The following TNK2 variants were observed in gnomAD, a reference collection of about 807,000 sequenced individuals.
The protein encoded by TNK2 is activated CDC42 kinase 1.
In TNK2, 83 loss-of-function variants were observed where a neutral mutation model predicts 101.8. The ratio of observed to expected loss-of-function variants is 0.82; its 90% CI spans 0.68 to 0.98. The LOEUF is 0.98. Among genes scored for constraint, TNK2 ranks in the 50% least tolerant of loss-of-function variants. TNK2 has a pLI of 0.00. For synonymous variants in TNK2, 804 were observed against 633.0 expected (o/e 1.27, Z -4.06); for missense variants, 1,665 against 1,483.2 (o/e 1.12, Z -2.01).
chr3:195,870,154 C>G lies in TNK2; in HGVS notation c.1503G>C (p.Leu501=). Residue 501 remains leucine (L), a synonymous_variant, in exon 11 of 16, where the codon CTG becomes CTC. Coordinates refer to ENST00000672887, the MANE Select transcript of TNK2 (RefSeq NM_001382273.1). ...GATGCTGGGGGGGCCGGGAGGTGCT[C>G]AGTTCCACGCTCAGGAGGTCGGGGG... ...MDPPDLLSVE[L]STSRPPQHLG... is the part of the protein sequence containing the mutation. 1 of 1,495,864 alleles carries G rather than the reference C, an allele frequency of 6.7e-7. No homozygotes were observed. The allele number at this position is 1,495,864 out of a possible 1,614,324, so 92.7% of individuals were successfully genotyped here.
At chr3:195,895,444 G>A (rs756205024) in intron 1 of TNK2, 2 of 1,455,674 alleles carry the variant, frequency 1.4e-6, no homozygotes, top group African/African-American at 1.5e-5. Context: ...CCGCTACTGC[G>A]TCTCAGCCCC....
chr3:195,866,929 C>T lies in TNK2; in HGVS notation c.3121G>A (p.Gly1041Ser), dbSNP rs749888511. The T allele has an allele frequency of 2.1e-5, 34 of 1,612,288 alleles. No homozygotes were observed. The Admixed American group carries it at 2.7e-4, about 13-fold the overall frequency. ...EMFDWNLEQA[G>S]CHLLGSWGPA... is the part of the protein sequence containing the mutation. ...CCCCAGGAGCCCAGAAGGTGGCAGCCGGCCTGCTCCAGGTTCCAGTCGAAC... is the reference window on the plus strand; with the variant it reads ...CCCCAGGAGCCCAGAAGGTGGCAGCTGGCCTGCTCCAGGTTCCAGTCGAAC... Residue 1041 changes from glycine (G) to serine (S), a missense_variant, in exon 15 of 16, where the codon GGC (glycine) becomes AGC (serine). Coordinates refer to ENST00000672887, the MANE Select transcript of TNK2 (RefSeq NM_001382273.1).
intron 1 of TNK2, among the ~76,000 whole-genome samples, chr3:195,890,273 C>T (rs1188137364): frequency 9.2e-5 from 14 of 152,022 alleles, no homozygotes; most frequent in Non-Finnish European, 1.0e-4. Flanking sequence ...TTGGGGGGGC[C>T]TTAGTGACAT....
chr3:195,884,639 A>C, intron 4 of TNK2, 173 bp downstream of exon 4: 1 of 612,776 alleles, frequency 1.6e-6, no homozygotes, highest in Non-Finnish European at 2.8e-6. Context: ...GCGAGACTCC[A>C]TCTCAAAAAT....
rs144573163 is a variant in TNK2, at chr3:195,867,740, G to A, written c.2558C>T (p.Pro853Leu). 34 of 1,599,368 alleles carry A rather than the reference G, an allele frequency of 2.1e-5. No individual in the cohort carries two copies. In the East Asian group the frequency reaches 2.2e-4, roughly 11 times the overall value. ...ATPQVIQAPG[P>L]RAGPCILPIV... is the part of the protein sequence containing the mutation. ...GGGCAGGATGCAGGGACCAGCCCGC[G>A]GGCCAGGGGCCTGGATCACCTGGGG... The change falls in exon 13 of 16, where the codon CCG (proline) becomes CTG (leucine). Residue 853 changes from proline to leucine, a missense_variant. Pro to Leu is a moderately conservative substitution (Grantham distance 98). Coordinates refer to ENST00000672887, the MANE Select transcript of TNK2 (RefSeq NM_001382273.1).
At chr3:195,902,643 A>C (rs1325679899) in intron 1 of TNK2, among the ~76,000 whole-genome samples, 3 of 122,760 alleles carry the variant, frequency 2.4e-5, no homozygotes, top group Admixed American at 1.5e-4. Flanking sequence ...AAAAAAACAA[A>C]CATAAAAAAA....
rs1467436853 is a variant in TNK2 at position 195,884,948 on chromosome 3, C to T, written c.320G>A (p.Gly107Asp). ...CTGCAGGGGCCCCTCCCCTGCTGGG[C>T]CCCCAGGGGCGGGCGAGGTCTTCCG... ...TFRKTSPAPG[G>D]PAGEGPLQSL... Residue 107 changes from glycine (G) to aspartate (D), a missense_variant, in exon 4 of 16, where the codon GGC (glycine) becomes GAC (aspartate). This residue lies in a region of TNK2 where 490 missense variants were observed against 522.5 expected (regional missense o/e 0.94). Coordinates refer to ENST00000672887, the MANE Select transcript of TNK2 (RefSeq NM_001382273.1). The T allele has an allele frequency of 1.9e-6, 3 of 1,613,952 alleles. No homozygotes were observed. Among genetic ancestry groups the T allele is most frequent in the East Asian group, 2.2e-5 (1 of 44,868 alleles).
intron 1 of TNK2, among the ~76,000 whole-genome samples, chr3:195,897,945 C>T (rs1182760228): frequency 6.6e-6 from 1 of 151,604 alleles, no homozygotes; most frequent in Non-Finnish European, 1.5e-5. Flanking sequence ...CCAGGGACTC[C>T]TATTACCACC....
Position 195,888,609 on chromosome 3 carries a change from G to A in TNK2, c.-18-3C>T. ...TGCATTCTGCCGCCTCCCAGCCTCT[G>A]TGGGGGGAGGAGTGGCTCAGGGACA... On this transcript the variant is annotated splice_region_variant and splice_polypyrimidine_tract_variant and intron_variant, in intron 1 of 15. Transcript: ENST00000672887. The surrounding 1 kb of genome is among the most constrained non-coding windows in gnomAD (Gnocchi z 5.3). 1.2e-6 allele frequency: 2 copies of A among 1,605,720 alleles called. No homozygotes were observed. The highest frequency in any genetic ancestry group is 1.7e-6 in the Non-Finnish European group (2 of 1,176,438).
In TNK2 at chr3:195,867,768, T is replaced by G; in HGVS notation, c.2530A>C (p.Thr844Pro). The G allele has an allele frequency of 6.3e-7, 1 of 1,583,242 alleles. No individual in the cohort carries two copies. Among genetic ancestry groups the G allele is most frequent in the Non-Finnish European group, 8.6e-7 (1 of 1,166,768 alleles). ...CCAGGGGCCTGGATCACCTGGGGGG[T>G]GGCGTACTTGGGGTCTGAGGCAAAG... ...QSFASDPKYA[T>P]PQVIQAPGPR... The change falls in exon 13 of 16, where the codon ACC becomes CCC. Residue 844 changes from threonine to proline, a missense_variant. Thr to Pro is a conservative substitution (Grantham distance 38). This residue lies in a region of TNK2 where 1,136 missense variants were observed against 894.9 expected (regional missense o/e 1.27). Coordinates refer to ENST00000672887, the MANE Select transcript of TNK2 (RefSeq NM_001382273.1).
intron 1 of TNK2, among the ~76,000 whole-genome samples, chr3:195,889,055 T>C (rs1414737581): frequency 6.6e-6 from 1 of 152,046 alleles, no homozygotes; most frequent in Non-Finnish European, 1.5e-5. Flanking sequence ...ATGGGCTCCT[T>C]AGATGTGACG....
At chr3:195,887,967 TGTGTGTGTATGCCTGTGCGTGTGCATGC>T (rs1756821015) in intron 2 of TNK2, among the ~76,000 whole-genome samples, 1 of 147,334 alleles carries the variant, frequency 6.8e-6, no homozygotes, top group African/African-American at 2.5e-5. Context: ...TGTGTGTGTG[TGTGTGTGTATGCCTGTGCGTGTGCATGC>T]GTGTGTGCGT....
rs902483867 is a variant in TNK2 at position 195,885,428 on chromosome 3, C to T, written c.235-395G>A. On this transcript the variant is annotated intron_variant, in intron 3 of 15. Transcript: ENST00000672887. This position sits in a 1 kb window ranked among gnomAD's most constrained non-coding sequence, Gnocchi z 4.7. ...CAGCCCTAACCCGCATCGATGGAGC[C>T]GCAGGGGCCCTCCACAGACACCTCC... The T allele has an allele frequency of 5.3e-6, 7 of 1,323,476 alleles. No individual in the cohort carries two copies. The East Asian group carries it at 1.9e-4, about 37-fold the overall frequency. The allele number at this position is 1,323,476 out of a possible 1,614,324, so 82.0% of individuals were successfully genotyped here. A position where few individuals can be genotyped will look rare whatever the true frequency, so the allele number is the denominator to read the frequency against.
At chr3:195,870,454 T>C (rs1349653255) in intron 10 of TNK2, 2 of 1,310,788 alleles carry the variant, frequency 1.5e-6, no homozygotes, top group East Asian at 4.4e-5. Context: ...AACTACACCC[T>C]ACAAGGGCAG....
intron 1 of TNK2, among the ~76,000 whole-genome samples, chr3:195,907,741 G>A (rs1761887711): frequency 6.6e-6 from 1 of 152,224 alleles, no homozygotes; most frequent in African/African-American, 2.4e-5. Context: ...GACAGGTGCA[G>A]AGCCCATGAT....
chr3:195,873,928 T>A (rs926770428), intron 9 of TNK2, among the ~76,000 whole-genome samples: 1 of 152,004 alleles, frequency 6.6e-6, no homozygotes, highest in Non-Finnish European at 1.5e-5. Flanking sequence ...ACCCTGTGAT[T>A]CCCACCCTGC....
intron 1 of TNK2, among the ~76,000 whole-genome samples, chr3:195,904,869 G>C (rs991347037): frequency 1.3e-5 from 2 of 152,140 alleles, no homozygotes; most frequent in Non-Finnish European, 2.9e-5. Flanking sequence ...GACAAATACA[G>C]AGATATACAC....
At chr3:195,893,887 A>C (rs897629718) in intron 1 of TNK2, among the ~76,000 whole-genome samples, 4 of 151,820 alleles carry the variant, frequency 2.6e-5, no homozygotes, top group African/African-American at 9.7e-5. Flanking sequence ...CCAGCACTTG[A>C]CCTCCCTGAT....
In TNK2 at chr3:195,879,148, G is replaced by A. The variant is rs3761718; in HGVS notation, c.915C>T (p.Arg305=). ...AGGTGTCGCTGGCATGGGAGAAGGT[G>A]CGTGTCTTCAGGCTCTCGGGGGCAC... ...AWCAPESLKT[R]TFSHASDTWM... The change falls in exon 7 of 16, where the codon CGC becomes CGT. Residue 305 remains arginine, a synonymous_variant. Coordinates refer to ENST00000672887, the MANE Select transcript of TNK2 (RefSeq NM_001382273.1). 0.017 allele frequency: 27,384 copies of A among 1,613,780 alleles called. 2,240 individuals are homozygous for A. In the East Asian group the frequency reaches 0.27, roughly 16 times the overall value.
Sources: gnomAD v4.1 joint callset for allele counts (sites outside exome capture counted in the v4.1 genomes callset) on GRCh38, gnomAD v4.1.1 for gene constraint, gnomAD v4.1.1 regional missense constraint, Gnocchi (gnomAD v3.1) non-coding constraint, MANE v1.5 for transcripts, NCBI Gene and HGNC (gene_info 2026-07-23, HGNC 2026-07-21) for gene names.